The following RIMS2 variants were observed in gnomAD, a reference collection of about 807,000 sequenced individuals.
RIMS2 encodes regulating synaptic membrane exocytosis 2.
A neutral mutation model predicts 174.4 loss-of-function variants in RIMS2; 59 were observed. The ratio of observed to expected loss-of-function variants is 0.34; its 90% CI spans 0.27 to 0.42. The LOEUF (loss-of-function observed/expected upper bound fraction) is 0.42, where lower values mean the gene tolerates loss of function less well. Ranked by LOEUF, RIMS2 falls within the 10% of genes least tolerant of loss-of-function variation. RIMS2 has a pLI of 1.00. For synonymous variants in RIMS2, 606 were observed against 572.5 expected (o/e 1.06, Z -0.84); for missense variants, 1,620 against 1,666.3 (o/e 0.97, Z 0.48).
chr8:103,571,874 A>G (rs1393509385), intron 1 of RIMS2, among the ~76,000 whole-genome samples: 1 of 152,148 alleles, frequency 6.6e-6, no homozygotes, highest in Non-Finnish European at 1.5e-5. Context: ...GGAAAGACAC[A>G]CAGCTTCCAT....
chr8:103,603,507 A>G (rs1348091367), intron 1 of RIMS2, among the ~76,000 whole-genome samples: 3 of 151,986 alleles, frequency 2.0e-5, no homozygotes, highest in African/African-American at 7.3e-5. Flanking sequence ...CTTTGGGTAT[A>G]TACCCAGTAA....
chr8:103,946,123 C>G (rs1186000856), intron 14 of RIMS2, among the ~76,000 whole-genome samples: 1 of 152,126 alleles, frequency 6.6e-6, no homozygotes, highest in African/African-American at 2.4e-5. Flanking sequence ...AACTAATAAA[C>G]AAGGAGAGCA....
chr8:104,241,305 A>T (rs2099292181), intron 19 of RIMS2, among the ~76,000 whole-genome samples: 1 of 152,178 alleles, frequency 6.6e-6, no homozygotes, highest in Non-Finnish European at 1.5e-5. Flanking sequence ...GGAATTATGT[A>T]AACTTCTGGG....
chr8:103,722,539 C>A (rs2388782), intron 2 of RIMS2, among the ~76,000 whole-genome samples: 53,337 of 151,762 alleles, frequency 0.35, 10,074 homozygotes, highest in East Asian at 0.77. Flanking sequence ...ATTTGTGTTC[C>A]TGTGAGAATC....
intron 17 of RIMS2, among the ~76,000 whole-genome samples, chr8:104,013,022 T>C (rs960087130): frequency 4.6e-5 from 7 of 152,308 alleles, no homozygotes; most frequent in Middle Eastern, 3.4e-3. Flanking sequence ...TTTTTATATC[T>C]TAGTTGGTAT....
chr8:103,704,149 G>A lies in RIMS2; in HGVS notation c.387+6853G>A, dbSNP rs141345672. ...CAAATATGGCCTTTTTTATTTTCAG[G>A]CATGTTTCTTTTATATCTAGTATGT... On this transcript the variant is annotated intron_variant, in intron 2 of 23. Transcript: ENST00000504942. Among the ~76,000 whole-genome samples the A allele has an allele frequency of 4.0e-3, 598 of 148,022 alleles. 2 individuals carry two copies. Among genetic ancestry groups the A allele is most frequent in the African/African-American group, 0.014 (568 of 39,998 alleles).
At chr8:104,186,610 C>A (rs1040740628) in intron 19 of RIMS2, among the ~76,000 whole-genome samples, 1 of 151,706 alleles carries the variant, frequency 6.6e-6, no homozygotes, top group Admixed American at 6.6e-5. Flanking sequence ...TCTCAGAACT[C>A]CAGAGGCTCT....
rs1376268071 is a variant in RIMS2 at position 103,968,714 on chromosome 8, C to T, written c.2771-6636C>T. On this transcript the variant is annotated intron_variant, in intron 15 of 23. Transcript: ENST00000504942. ...ATTGAATACATTGTTGCTATTATTA[C>T]TTTGAATTAATTCTTATCTGTTAGA... Among the ~76,000 whole-genome samples the T allele has an allele frequency of 2.6e-5, 4 of 151,902 alleles. No individual in the cohort carries two copies. The East Asian group carries it at 7.7e-4, about 29-fold the overall frequency.
intron 4 of RIMS2, among the ~76,000 whole-genome samples, chr8:103,891,400 G>A (rs529693148): frequency 2.6e-5 from 4 of 152,078 alleles, no homozygotes; most frequent in South Asian, 2.1e-4. Context: ...TTTCAGTGGC[G>A]AATTAATATC....
At chr8:104,042,634 G>A (rs2096628012) in intron 19 of RIMS2, among the ~76,000 whole-genome samples, 1 of 151,654 alleles carries the variant, frequency 6.6e-6, no homozygotes, top group Non-Finnish European at 1.5e-5. Context: ...TCAGGTGACT[G>A]AAATGTTTGA....
At chr8:103,732,930 T>G (rs1371431878) in intron 2 of RIMS2, among the ~76,000 whole-genome samples, 1 of 152,162 alleles carries the variant, frequency 6.6e-6, no homozygotes, top group East Asian at 1.9e-4. Flanking sequence ...TCTACCACAC[T>G]GTCACTGAGC....
At chr8:104,204,822 A>G (rs1023210171) in intron 19 of RIMS2, among the ~76,000 whole-genome samples, 2 of 152,174 alleles carry the variant, frequency 1.3e-5, no homozygotes, top group Non-Finnish European at 2.9e-5. Context: ...AAGTTTGCCT[A>G]TACGTTTTTT....
intron 19 of RIMS2, among the ~76,000 whole-genome samples, chr8:104,040,439 A>T (rs1449655722): frequency 6.6e-6 from 1 of 151,672 alleles, no homozygotes; most frequent in Non-Finnish European, 1.5e-5. Flanking sequence ...TCTGTTTCCA[A>T]GTCACTGTAT....
intron 19 of RIMS2, among the ~76,000 whole-genome samples, chr8:104,074,370 G>T (rs1459385661): frequency 6.6e-6 from 1 of 152,108 alleles, no homozygotes; most frequent in Non-Finnish European, 1.5e-5. Context: ...GGGTAGTGAT[G>T]AGGATTAAAC....
At chr8:104,159,866 C>A (rs114835462) in intron 19 of RIMS2, among the ~76,000 whole-genome samples, 6,297 of 152,132 alleles carry the variant, frequency 0.041, 297 homozygotes, top group East Asian at 0.15. Flanking sequence ...TGACTGGGCA[C>A]GGTGGCTCAT....
At chr8:103,957,864 A>G (rs879525387) in intron 14 of RIMS2, among the ~76,000 whole-genome samples, 18 of 152,216 alleles carry the variant, frequency 1.2e-4, no homozygotes, top group Non-Finnish European at 2.4e-4. Flanking sequence ...ACCATCGCAC[A>G]CCAGACAAAA....
chr8:104,004,840 G>A (rs2095516915), intron 17 of RIMS2, among the ~76,000 whole-genome samples: 1 of 152,074 alleles, frequency 6.6e-6, no homozygotes, highest in Non-Finnish European at 1.5e-5. Context: ...AAATAGATGG[G>A]AGAAGTGAAG....
At chr8:103,760,707 T>A (rs951676926) in intron 2 of RIMS2, among the ~76,000 whole-genome samples, 2 of 152,222 alleles carry the variant, frequency 1.3e-5, no homozygotes, top group Non-Finnish European at 2.9e-5. Context: ...ACTGCATTCC[T>A]TTTGTAACAT....
intron 1 of RIMS2, among the ~76,000 whole-genome samples, chr8:103,634,724 C>T (rs2096030743): frequency 1.3e-5 from 2 of 152,136 alleles, no homozygotes; most frequent in African/African-American, 4.8e-5. Context: ...TACGTATTTA[C>T]AATAGTTAGG....
Sources: gnomAD v4.1 joint callset for allele counts (sites outside exome capture counted in the v4.1 genomes callset) on GRCh38, gnomAD v4.1.1 for gene constraint, MANE v1.5 for transcripts, NCBI Gene and HGNC (gene_info 2026-07-23, HGNC 2026-07-21) for gene names.